COL4A2: variants seen among roughly 807,000 people sequenced by gnomAD.
COL4A2 encodes collagen type IV alpha 2 chain.
Under a neutral mutation model 200.2 loss-of-function variants are expected in COL4A2, and 99 were observed. The ratio of observed to expected loss-of-function variants is 0.49; its 90% CI spans 0.42 to 0.58. COL4A2 has a LOEUF of 0.58. COL4A2 is among the 20% of genes least tolerant of loss of function. The pLI is 0.00. For missense variants in COL4A2, 1,950 were observed against 2,314.1 expected (o/e 0.84, Z 3.23); for synonymous variants, 897 against 900.6 (o/e 1.00, Z 0.07).
intron 4 of COL4A2, among the ~76,000 whole-genome samples, chr13:110,417,325 C>T (rs930326010): frequency 6.6e-6 from 1 of 151,752 alleles, no homozygotes; most frequent in African/African-American, 2.4e-5. Flanking sequence ...GGTGTAGACT[C>T]TCCTTCCTTT....
chr13:110,485,710 G>A lies in COL4A2; in HGVS notation c.3081G>A (p.Gly1027=). 3 of 1,613,406 alleles carry A rather than the reference G, an allele frequency of 1.9e-6. No homozygotes were observed. The highest frequency in any genetic ancestry group is 2.5e-6 in the Non-Finnish European group (3 of 1,179,688). The change falls in exon 34 of 48, where the codon GGG becomes GGA. Residue 1027 remains glycine (G), a synonymous_variant. Coordinates refer to ENST00000360467, the MANE Select transcript of COL4A2 (RefSeq NM_001846.4). ...TGTCAGGAATCCCTGGGCTGCCTGGGAGGCCCGGCCACATCAAAGGAGTCA... is the reference window on the plus strand; with the variant it reads ...TGTCAGGAATCCCTGGGCTGCCTGGAAGGCCCGGCCACATCAAAGGAGTCA... ...PGLSGIPGLP[G]RPGHIKGVKG... is the part of the protein sequence containing the mutation.
chr13:110,367,925 C>CA (rs1332023913), intron 4 of COL4A2, among the ~76,000 whole-genome samples: 1 of 152,200 alleles, frequency 6.6e-6, no homozygotes, highest in Non-Finnish European at 1.5e-5. Flanking sequence ...CCGGCCATAC[C>CA]ATTGCAACCT....
At chr13:110,308,432 G>A (rs888709701) in intron 3 of COL4A2, among the ~76,000 whole-genome samples, 1 of 152,168 alleles carries the variant, frequency 6.6e-6, no homozygotes, top group Non-Finnish European at 1.5e-5. Flanking sequence ...AGCCGTAGAG[G>A]CCAGGAAAGT....
intron 4 of COL4A2, among the ~76,000 whole-genome samples, chr13:110,364,239 A>G (rs1877646343): frequency 6.6e-6 from 1 of 152,194 alleles, no homozygotes; most frequent in Admixed American, 6.5e-5. Flanking sequence ...CTGTCTACAC[A>G]TAGCTCTCAC....
chr13:110,505,146 C>A (rs190572211), intron 45 of COL4A2, among the ~76,000 whole-genome samples: 14 of 151,166 alleles, frequency 9.3e-5, no homozygotes, highest in East Asian at 4.0e-4. Context: ...GGCAGGAGAT[C>A]GAGACCATCC....
intron 15 of COL4A2, 148 bp downstream of exon 15, chr13:110,438,816 A>ACACT: frequency 1.7e-6 from 1 of 596,374 alleles, no homozygotes. Flanking sequence ...CCCCCCACAC[A>ACACT]CACACACAGC....
rs751016350 is a variant in COL4A2, at chr13:110,503,242, C to G, written c.3999C>G (p.Pro1333=). The change falls in exon 42 of 48, where the codon CCC becomes CCG. Residue 1333 remains proline, a synonymous_variant. Transcript: ENST00000360467. ...GTKGWAGDSG[P]QGRPGVFGLP... is the part of the protein sequence containing the mutation. Reference sequence around the variant, plus strand: ...AAGGATGGGCCGGGGACTCCGGGCCCCAGGGCAGGCCTGGTGTGTTTGGTC... The same window carrying G: ...AAGGATGGGCCGGGGACTCCGGGCCGCAGGGCAGGCCTGGTGTGTTTGGTC... 22 of 1,612,654 alleles carry G rather than the reference C, an allele frequency of 1.4e-5. No homozygotes were observed.
At chr13:110,509,270 T>TATATATATACACACACAC (rs1435137108) in intron 47 of COL4A2, among the ~76,000 whole-genome samples, 19 of 115,574 alleles carry the variant, frequency 1.6e-4, no homozygotes, top group African/African-American at 6.6e-4. Flanking sequence ...TATATATATA[T>TATATATATACACACACAC]ACACACACAC....
At chr13:110,482,193 C>G (rs1488632614) in intron 31 of COL4A2, among the ~76,000 whole-genome samples, 2 of 152,240 alleles carry the variant, frequency 1.3e-5, no homozygotes, top group African/African-American at 4.8e-5. Flanking sequence ...GCGTGCTCCT[C>G]TGCCTTTGTC....
intron 43 of COL4A2, 108 bp downstream of exon 43, chr13:110,503,589 AT>A: frequency 1.3e-6 from 1 of 753,400 alleles, no homozygotes; most frequent in South Asian, 1.8e-5. Flanking sequence ...CATGGGTCAC[AT>A]GTTGTAAAGA....
chr13:110,379,867 TAGA>T (rs996087485), intron 4 of COL4A2, among the ~76,000 whole-genome samples: 1 of 152,124 alleles, frequency 6.6e-6, no homozygotes, highest in Admixed American at 6.5e-5. Context: ...AGCTTCCTGG[TAGA>T]AGGACTTACT....
chr13:110,504,349 C>T (rs1222858793), intron 45 of COL4A2, 85 bp downstream of exon 45: 12 of 1,184,532 alleles, frequency 1.0e-5, no homozygotes, highest in South Asian at 3.8e-5. Flanking sequence ...AGGGGACACA[C>T]GAGAGCCCAG....
intron 3 of COL4A2, among the ~76,000 whole-genome samples, chr13:110,331,874 A>T (rs1029791895): frequency 6.6e-6 from 1 of 152,098 alleles, no homozygotes; most frequent in Non-Finnish European, 1.5e-5. Context: ...CCCACTTGGG[A>T]ACTCTTTGTA....
intron 11 of COL4A2, 43 bp downstream of exon 11, chr13:110,432,403 T>C (rs746163155): frequency 5.1e-6 from 8 of 1,571,752 alleles, no homozygotes; most frequent in Non-Finnish European, 6.9e-6. Flanking sequence ...AGGGGGTACT[T>C]AGGTGTTTGT....
At chr13:110,418,398 A>G (rs1288031318) in intron 4 of COL4A2, among the ~76,000 whole-genome samples, 1 of 152,206 alleles carries the variant, frequency 6.6e-6, no homozygotes, top group South Asian at 2.1e-4. Context: ...ATAGGTTGTA[A>G]TCTTTGTGTC....
chr13:110,473,400 C>A lies in COL4A2; in HGVS notation c.2425+250C>A, dbSNP rs9588179. ...ACAGGTGTGGATTCACTGATGTAAT[C>A]TGTTGTCAAGTTGCATATGCCTGGC... On this transcript the variant is annotated intron_variant, in intron 29 of 47. Coordinates refer to ENST00000360467, the MANE Select transcript of COL4A2 (RefSeq NM_001846.4). The A allele has an allele frequency of 0.035, 16,291 of 469,094 alleles. 1,452 individuals are homozygous for A. Among genetic ancestry groups the A allele is most frequent in the African/African-American group, 0.23 (11,208 of 48,994 alleles). 29.1% of individuals were successfully genotyped at this position (469,094 alleles called of 1,614,324 possible). A position where few individuals can be genotyped will look rare whatever the true frequency, so the allele number is the denominator to read the frequency against.
chr13:110,319,934 A>C (rs1885235329), intron 3 of COL4A2, among the ~76,000 whole-genome samples: 1 of 152,252 alleles, frequency 6.6e-6, no homozygotes, highest in Non-Finnish European at 1.5e-5. Context: ...CTTAACAGCA[A>C]GTAGGCCAAA....
chr13:110,492,140 A>G lies in COL4A2; in HGVS notation c.3525A>G (p.Lys1175=). ...GGCGGATTGGACTGCCTGGTGGCAA[A>G]GGAGATGATGGCTGGCCGGGAGCTC... ...ELGRIGLPGG[K]GDDGWPGAPG... The change falls in exon 38 of 48, where the codon AAA becomes AAG. Residue 1175 remains lysine, a synonymous_variant. Coordinates refer to ENST00000360467, the MANE Select transcript of COL4A2 (RefSeq NM_001846.4). The G allele has an allele frequency of 6.4e-7, 1 of 1,553,568 alleles. No individual in the cohort carries two copies. The highest frequency in any genetic ancestry group is 1.2e-5 in the South Asian group (1 of 84,168).
chr13:110,331,903 A>G (rs1875933935), intron 3 of COL4A2, among the ~76,000 whole-genome samples: 1 of 152,098 alleles, frequency 6.6e-6, no homozygotes, highest in African/African-American at 2.4e-5. Context: ...ACAGTCGCCC[A>G]TTTGGTTACC....
Sources: allele counts gnomAD v4.1 joint callset (sites outside exome capture counted in the v4.1 genomes callset), GRCh38; gene constraint gnomAD v4.1.1; transcripts MANE v1.5; gene names NCBI Gene and HGNC (gene_info 2026-07-23, HGNC 2026-07-21).